Variants in CADM2 observed in about 807,000 individuals in gnomAD.
The protein encoded by CADM2 is cell adhesion molecule 2, also known as immunoglobulin superfamily member 4D.
A neutral mutation model predicts 49.8 loss-of-function variants in CADM2; 12 were observed. The observed-to-expected ratio is 0.24, with a 90% CI of 0.15 to 0.39. CADM2 has a LOEUF of 0.39. CADM2 is among the 10% of genes least tolerant of loss of function. The probability of loss-of-function intolerance (pLI) is 1.00; values close to 1 mark genes in which losing one functional copy is unlikely to be tolerated. For missense variants in CADM2, 378 were observed against 492.3 expected (o/e 0.77, Z 2.20); for synonymous variants, 214 against 175.4 (o/e 1.22, Z -1.74).
At chr3:84,963,841 C>T (rs911279072) in intron 1 of CADM2, among the ~76,000 whole-genome samples, 8 of 152,136 alleles carry the variant, frequency 5.3e-5, no homozygotes, top group African/African-American at 1.9e-4. Context: ...TAACTTTAGT[C>T]TTGGCAAGCT....
At chr3:85,576,625 G>A (rs1244820212) in intron 1 of CADM2, among the ~76,000 whole-genome samples, 2 of 152,180 alleles carry the variant, frequency 1.3e-5, no homozygotes, top group African/African-American at 2.4e-5. Context: ...AAATCATAGC[G>A]ATAGTGCATT....
chr3:85,578,027 CCTTTCTT>C (rs2062690432), intron 1 of CADM2, among the ~76,000 whole-genome samples: 1 of 149,646 alleles, frequency 6.7e-6, no homozygotes, highest in Admixed American at 6.7e-5. Flanking sequence ...TTCCTTCCTT[CCTTTCTT>C]CCCCCCCTTT....
At chr3:85,588,235 C>G (rs2062996938) in intron 1 of CADM2, among the ~76,000 whole-genome samples, 1 of 151,914 alleles carries the variant, frequency 6.6e-6, no homozygotes, top group Admixed American at 6.6e-5. Flanking sequence ...AAAAATATGA[C>G]CACTGTTGAT....
intron 1 of CADM2, among the ~76,000 whole-genome samples, chr3:85,722,649 T>C (rs891073395): frequency 2.0e-5 from 3 of 152,328 alleles, no homozygotes; most frequent in African/African-American, 7.2e-5. Context: ...ATATTACCCA[T>C]ATATTGCAAA....
At chr3:85,761,382 T>TC (rs2069370324) in intron 2 of CADM2, among the ~76,000 whole-genome samples, 1 of 143,030 alleles carries the variant, frequency 7.0e-6, no homozygotes, top group African/African-American at 2.7e-5. Flanking sequence ...TTTTTTTTTT[T>TC]TTTTTTTTGG....
intron 2 of CADM2, among the ~76,000 whole-genome samples, chr3:85,729,064 AATT>A (rs1207843936): frequency 2.0e-5 from 3 of 152,158 alleles, no homozygotes; most frequent in Non-Finnish European, 4.4e-5. Flanking sequence ...GAAGATCACT[AATT>A]ATTCTCCAAT....
At chr3:85,044,400 G>A (rs965350550) in intron 1 of CADM2, among the ~76,000 whole-genome samples, 1 of 152,142 alleles carries the variant, frequency 6.6e-6, no homozygotes, top group Non-Finnish European at 1.5e-5. Flanking sequence ...GTGATGATTT[G>A]TTATAGCACT....
intron 1 of CADM2, among the ~76,000 whole-genome samples, chr3:85,371,133 T>C (rs922932669): frequency 1.8e-4 from 28 of 152,156 alleles, no homozygotes; most frequent in African/African-American, 6.8e-4. Flanking sequence ...AAGATTAATT[T>C]ATTATTAAAG....
Position 85,675,795 on chromosome 3 carries a change from C to G in CADM2, c.62-50727C>G, listed in dbSNP as rs573770994. On this transcript the variant is annotated intron_variant, in intron 1 of 9. Transcript: ENST00000383699. ...ACAAAAGTGTTGTCTAAATTTTATC[C>G]TAAAATTTAAGAAGTAAAAGCACCT... Among the ~76,000 whole-genome samples the G allele has an allele frequency of 5.3e-5, 8 of 152,130 alleles. No individual in the cohort carries two copies. In the East Asian group the frequency reaches 1.5e-3, roughly 29 times the overall value.
At chr3:86,027,573 A>G (rs1349503666) in intron 8 of CADM2, among the ~76,000 whole-genome samples, 2 of 152,130 alleles carry the variant, frequency 1.3e-5, no homozygotes, top group Admixed American at 1.3e-4. Context: ...CTTATAATTG[A>G]TTCTCAAGTT....
Position 85,008,070 on chromosome 3 carries a change from C to A in CADM2, c.61+48402C>A, listed in dbSNP as rs576237105. ...TAACTGAGTCTGGCAAGAATCAATG[C>A]CTCAGAGAGCAGTTGGCTCAACTAC... is the stretch of plus-strand genomic sequence containing the variant. On this transcript the variant is annotated intron_variant, in intron 1 of 9. Coordinates refer to ENST00000383699, the MANE Select transcript of CADM2 (RefSeq NM_001167675.2). Among the ~76,000 whole-genome samples, 4 of 152,200 alleles carry A rather than the reference C, an allele frequency of 2.6e-5. No individual in the cohort carries two copies. In the East Asian group the frequency reaches 5.8e-4, roughly 22 times the overall value.
chr3:85,323,464 C>T (rs1009210292), intron 1 of CADM2, among the ~76,000 whole-genome samples: 2 of 152,034 alleles, frequency 1.3e-5, no homozygotes, highest in Admixed American at 1.3e-4. Flanking sequence ...TATGGTGTTC[C>T]TCCAGATTGT....
intron 1 of CADM2, among the ~76,000 whole-genome samples, chr3:85,268,698 A>G (rs931408185): frequency 1.3e-5 from 2 of 151,438 alleles, no homozygotes; most frequent in Admixed American, 6.6e-5. Context: ...CTAATGAAGA[A>G]CCAGAAGCCT....
chr3:85,621,505 C>T (rs1576952653), intron 1 of CADM2, among the ~76,000 whole-genome samples: 1 of 152,168 alleles, frequency 6.6e-6, no homozygotes, highest in African/African-American at 2.4e-5. Flanking sequence ...TTGCCTAGTA[C>T]ATATAATAGA....
intron 1 of CADM2, among the ~76,000 whole-genome samples, chr3:85,561,680 A>G (rs573461681): frequency 6.6e-6 from 1 of 152,306 alleles, no homozygotes; most frequent in East Asian, 1.9e-4. Context: ...TGCTCTAGGC[A>G]TTGAGGATGT....
chr3:85,481,360 C>G (rs2039202875), intron 1 of CADM2, among the ~76,000 whole-genome samples: 1 of 151,448 alleles, frequency 6.6e-6, no homozygotes. Flanking sequence ...AAAGTGCTCT[C>G]ATATTGACAG....
chr3:85,629,425 T>C (rs2064238110), intron 1 of CADM2, among the ~76,000 whole-genome samples: 1 of 151,782 alleles, frequency 6.6e-6, no homozygotes, highest in Admixed American at 6.6e-5. Flanking sequence ...AGATATCTAA[T>C]CAATAATACT....
chr3:85,480,341 A>G (rs2039158468), intron 1 of CADM2, among the ~76,000 whole-genome samples: 1 of 151,896 alleles, frequency 6.6e-6, no homozygotes, highest in Admixed American at 6.6e-5. Flanking sequence ...CAATTTTAAA[A>G]GACAATATAA....
At chr3:85,789,138 A>G (rs905330833) in intron 2 of CADM2, among the ~76,000 whole-genome samples, 2 of 152,110 alleles carry the variant, frequency 1.3e-5, no homozygotes, top group African/African-American at 4.8e-5. Flanking sequence ...TATGCTCAGC[A>G]CTATATTCCT....
Sources: allele counts gnomAD v4.1 joint callset (sites outside exome capture counted in the v4.1 genomes callset), GRCh38; gene constraint gnomAD v4.1.1; transcripts MANE v1.5; gene names NCBI Gene and HGNC (gene_info 2026-07-23, HGNC 2026-07-21).